Variants in ZIC5 observed in about 807,000 individuals in gnomAD.
ZIC5 encodes Zic family zinc finger 5.
Under a neutral mutation model 28.5 loss-of-function variants are expected in ZIC5, and 20 were observed. The ratio of observed to expected loss-of-function variants is 0.70; its 90% CI spans 0.49 to 1.02. The LOEUF (loss-of-function observed/expected upper bound fraction) is 1.02. ZIC5 is among the 50% of genes least tolerant of loss of function. The pLI is 0.00. For missense variants in ZIC5, 951 were observed against 899.7 expected (o/e 1.06, Z -0.73); for synonymous variants, 488 against 410.4 (o/e 1.19, Z -2.29).
intron 1 of ZIC5, among the ~76,000 whole-genome samples, chr13:99,969,099 G>A (rs1179653748): frequency 6.6e-6 from 1 of 152,232 alleles, no homozygotes; most frequent in Non-Finnish European, 1.5e-5. Flanking sequence ...GCTTCCGCCC[G>A]ACGCGCTGGT....
Position 99,970,431 on chromosome 13 carries a change from CGG to C in ZIC5, c.1171_1172del (p.Pro391AlafsTer109). ...ELAGLPPPPPPPPPPPPPPPA... is the reference protein window; with the variant it reads ...ELAGLPPPPPXPPPPPPPPPA... ...GGGGCGGTGGCGGCGGCGGCGGCGG[CGG>C]CGGCGGCGGCGGCGGCAGCCCGGCC... On this transcript the variant is annotated frameshift_variant, in exon 1 of 2. Transcript: ENST00000267294. LOFTEE classifies it high-confidence loss of function. 1 of 1,015,556 alleles carries C rather than the reference CGG, an allele frequency of 9.8e-7. No individual in the cohort carries two copies. Among genetic ancestry groups the C allele is most frequent in the Non-Finnish European group, 1.2e-6 (1 of 849,368 alleles). The allele number at this position is 1,015,556 out of a possible 1,614,324, so 62.9% of individuals were successfully genotyped here. A position where few individuals can be genotyped will look rare whatever the true frequency, so the allele number is the denominator to read the frequency against.
intron 1 of ZIC5, among the ~76,000 whole-genome samples, chr13:99,966,851 A>G (rs2053104116): frequency 6.6e-6 from 1 of 152,232 alleles, no homozygotes; most frequent in Non-Finnish European, 1.5e-5. Flanking sequence ...TTTTGGTGTT[A>G]AACAGCAAGA....
chr13:99,970,858 T>C lies in ZIC5; in HGVS notation c.746A>G (p.His249Arg). The C allele has an allele frequency of 8.0e-7, 1 of 1,255,956 alleles. No homozygotes were observed. Among genetic ancestry groups the C allele is most frequent in the South Asian group, 3.1e-5 (1 of 32,028 alleles). The allele number at this position is 1,255,956 out of a possible 1,614,324, so 77.8% of individuals were successfully genotyped here. A position where few individuals can be genotyped will look rare whatever the true frequency, so the allele number is the denominator to read the frequency against. ...CATCTGGCCGTTGAGCGGGTGCGGG[T>C]GGCCGCCTGGGGCCCCCGGCGTGTC... ...LHDTPGAPGG[H>R]PHPLNGQMRL... is the part of the protein sequence containing the mutation. The change falls in exon 1 of 2, where the codon CAC becomes CGC. Residue 249 changes from histidine (H) to arginine (R), a missense_variant. His to Arg is a conservative substitution (Grantham distance 29). Coordinates refer to ENST00000267294, the MANE Select transcript of ZIC5 (RefSeq NM_033132.5).
At position 99,965,527 on chromosome 13, in the gene ZIC5, G is replaced by A. The variant is rs2053093706; in HGVS notation, c.1770C>T (p.Ser590=). The change falls in exon 2 of 2, where the codon TCC becomes TCT. Residue 590 remains serine (S), a synonymous_variant. Transcript: ENST00000267294. ...DPARSHSSTL[S]PQVTNLNEWY... Reference sequence around the variant, plus strand: ...ACTCATTGAGGTTGGTCACCTGAGGGGACAGAGTGCTGGAGTGACTCCTGG... The same window carrying A: ...ACTCATTGAGGTTGGTCACCTGAGGAGACAGAGTGCTGGAGTGACTCCTGG... 1 of 1,613,736 alleles carries A rather than the reference G, an allele frequency of 6.2e-7. No individual in the cohort carries two copies. The highest frequency in any genetic ancestry group is 8.5e-7 in the Non-Finnish European group (1 of 1,179,840).
chr13:99,970,940 C>G lies in ZIC5; in HGVS notation c.664G>C (p.Gly222Arg). ...HSAGMFISAS[G>R]TYAGPDGSGG... ...CTGCCGTCCGGGCCCGCGTAGGTGCCGCTGGCGGAGATGAACATGCCGGCC... is the reference window on the plus strand; with the variant it reads ...CTGCCGTCCGGGCCCGCGTAGGTGCGGCTGGCGGAGATGAACATGCCGGCC... Residue 222 changes from glycine (G) to arginine (R), a missense_variant, in exon 1 of 2, where the codon GGC (glycine) becomes CGC (arginine). Physicochemically the swap from Gly to Arg is moderately radical, Grantham distance 125 (BLOSUM62 -2). Around this residue, in one of 3 missense-constraint regions of ZIC5, gnomAD observed 784 missense variants for 660.1 expected, o/e 1.19. Coordinates refer to ENST00000267294, the MANE Select transcript of ZIC5 (RefSeq NM_033132.5). 1 of 1,392,874 alleles carries G rather than the reference C, an allele frequency of 7.2e-7. No individual in the cohort carries two copies. The highest frequency in any genetic ancestry group is 1.7e-5 in the South Asian group (1 of 60,372). The allele number at this position is 1,392,874 out of a possible 1,614,324, so 86.3% of individuals were successfully genotyped here.
At chr13:99,968,362 G>A (rs1024748094) in intron 1 of ZIC5, among the ~76,000 whole-genome samples, 2 of 152,176 alleles carry the variant, frequency 1.3e-5, no homozygotes, top group African/African-American at 2.4e-5. Flanking sequence ...GGCAGGAAAT[G>A]CAACCGTCCG....
At chr13:99,968,342 G>A (rs1211785550) in intron 1 of ZIC5, among the ~76,000 whole-genome samples, 1 of 152,168 alleles carries the variant, frequency 6.6e-6, no homozygotes, top group Admixed American at 6.5e-5. Context: ...CCACGCGGCC[G>A]CCGGGAGGGG....
chr13:99,965,940 A>G, intron 1 of ZIC5, 121 bp from the exon 2 acceptor site: 1 of 1,020,770 alleles, frequency 9.8e-7, no homozygotes, highest in Non-Finnish European at 1.4e-6. Context: ...TCCCAGCCTA[A>G]TTCTTCTTCC....
At chr13:99,968,142 C>G (rs543356409) in intron 1 of ZIC5, among the ~76,000 whole-genome samples, 27 of 152,314 alleles carry the variant, frequency 1.8e-4, no homozygotes, top group Admixed American at 1.4e-3. Flanking sequence ...GTTCCGGGAT[C>G]CCGGATAACC....
Position 99,971,501 on chromosome 13 carries a change from G to C in ZIC5, c.103C>G (p.Leu35Val). The C allele has an allele frequency of 6.4e-7, 1 of 1,551,042 alleles. No homozygotes were observed. The highest frequency in any genetic ancestry group is 8.7e-7 in the Non-Finnish European group (1 of 1,147,056). Residue 35 changes from leucine (L) to valine (V), a missense_variant, in exon 1 of 2, where the codon CTG (leucine) becomes GTG (valine). Coordinates refer to ENST00000267294, the MANE Select transcript of ZIC5 (RefSeq NM_033132.5). ...TGGGAGTGGGCGGGCGGGCCGGCCA[G>C]CGCCGGGAAGCCTGTCATATTCTGA... ...PLQNMTGFPA[L>V]AGPPAHSQLR...
At chr13:99,966,151 A>G (rs2053098415) in intron 1 of ZIC5, among the ~76,000 whole-genome samples, 2 of 152,294 alleles carry the variant, frequency 1.3e-5, no homozygotes, top group South Asian at 4.1e-4. Context: ...CCCCCGACAG[A>G]CACACTCCCC....
chr13:99,964,194 A>C lies in ZIC5; in HGVS notation c.*1183T>G, dbSNP rs2053079174. 2 of 152,252 alleles carry C rather than the reference A, an allele frequency of 1.3e-5. No homozygotes were observed. Among genetic ancestry groups the C allele is most frequent in the Admixed American group, 1.3e-4 (2 of 15,292 alleles). The allele number at this position is 152,252 out of a possible 1,614,324, so 9.4% of individuals were successfully genotyped here. A position where few individuals can be genotyped will look rare whatever the true frequency, so the allele number is the denominator to read the frequency against. ...ATACACTTCACACACTGTCATTTTC[A>C]AATGGATTCCAGTTTGGTGTGCTCA... On this transcript the variant is annotated 3_prime_UTR_variant, in exon 2 of 2. Coordinates refer to ENST00000267294, the MANE Select transcript of ZIC5 (RefSeq NM_033132.5).
At position 99,971,277 on chromosome 13, in the gene ZIC5, C is replaced by G. The variant is rs2053156351; in HGVS notation, c.327G>C (p.Ala109=). The G allele has an allele frequency of 2.2e-6, 3 of 1,340,314 alleles. No homozygotes were observed. Among genetic ancestry groups the G allele is most frequent in the Non-Finnish European group, 2.8e-6 (3 of 1,054,934 alleles). The allele number at this position is 1,340,314 out of a possible 1,614,324, so 83.0% of individuals were successfully genotyped here. The stretch of plus-strand genomic sequence containing the variant: ...TGCCCCCGCCGCAGGGGTAGCTGCC[C>G]GCGCCGGGGTGCGCGACCAAGGCTG... The part of the protein sequence containing the change: ...RAAALVAHPG[A]GSYPCGGGSS... Residue 109 remains alanine (A), a synonymous_variant, in exon 1 of 2, where the codon GCG becomes GCC. Transcript: ENST00000267294.
In ZIC5 at chr13:99,970,583, C is replaced by CCGGCGGCGG. The variant is rs532287066; in HGVS notation, c.1012_1020dup (p.Pro338_Pro340dup). The CCGGCGGCGG allele has an allele frequency of 5.2e-4, 520 of 992,118 alleles. No individual in the cohort carries two copies. Among genetic ancestry groups the CCGGCGGCGG allele is most frequent in the Non-Finnish European group, 6.0e-4 (503 of 838,688 alleles). The allele number at this position is 992,118 out of a possible 1,614,324, so 61.5% of individuals were successfully genotyped here. On this transcript the variant is annotated inframe_insertion, in exon 1 of 2. Transcript: ENST00000267294. ...TGCTGGTGCGGGTGCTGCGCGGGCG[C>CCGGCGGCGG]CGGCGGCGGCGGCGGCGCCGGGGGC...
rs748697120 is a variant in ZIC5, at chr13:99,970,941, G to A, written c.663C>T (p.Ser221=). ...TGCCGTCCGGGCCCGCGTAGGTGCC[G>A]CTGGCGGAGATGAACATGCCGGCCG... ...PHSAGMFISA[S]GTYAGPDGSG... Residue 221 remains serine, a synonymous_variant, in exon 1 of 2, where the codon AGC becomes AGT. Coordinates refer to ENST00000267294, the MANE Select transcript of ZIC5 (RefSeq NM_033132.5). The A allele has an allele frequency of 5.7e-6, 8 of 1,392,930 alleles. No homozygotes were observed. The highest frequency in any genetic ancestry group is 7.5e-5 in the Admixed American group (2 of 26,590). 86.3% of individuals were successfully genotyped at this position (1,392,930 alleles called of 1,614,324 possible). A position where few individuals can be genotyped will look rare whatever the true frequency, so the allele number is the denominator to read the frequency against.
At chr13:99,971,788 A>T, upstream of ZIC5, 1 of 1,381,048 alleles carries the variant, frequency 7.2e-7, no homozygotes, top group Non-Finnish European at 9.9e-7. Flanking sequence ...TTTGAGCTGC[A>T]CAGTGGGACC....
upstream of ZIC5, chr13:99,971,782 A>G (rs2053163428): frequency 7.0e-7 from 1 of 1,427,764 alleles, no homozygotes; most frequent in Non-Finnish European, 9.6e-7. Context: ...ACCACATTTG[A>G]GCTGCACAGT....
At chr13:99,969,636 C>T (rs2053130648) in intron 1 of ZIC5, among the ~76,000 whole-genome samples, 1 of 152,134 alleles carries the variant, frequency 6.6e-6, no homozygotes, top group South Asian at 2.1e-4. Context: ...AATCCCACGC[C>T]CGGTCCTCGG....
Position 99,970,389 on chromosome 13 carries a change from C to A in ZIC5, c.1215G>T (p.Lys405Asn), listed in dbSNP as rs756126881. 8.2e-6 allele frequency: 11 copies of A among 1,342,640 alleles called. No individual in the cohort carries two copies. Among genetic ancestry groups the A allele is most frequent in the Non-Finnish European group, 1.1e-5 (11 of 1,038,050 alleles). The allele number at this position is 1,342,640 out of a possible 1,614,324, so 83.2% of individuals were successfully genotyped here. A position where few individuals can be genotyped will look rare whatever the true frequency, so the allele number is the denominator to read the frequency against. ...TGGTGCCGAAAGTTTTGGAGCAGGG[C>A]TTGGCGCCGCCGGCCGGGGGCGGTG... ...PPPPPPAGGA[K>N]PCSKTFGTMH... is the part of the protein sequence containing the mutation. The change falls in exon 1 of 2, where the codon AAG (lysine) becomes AAT (asparagine). Residue 405 changes from lysine to asparagine, a missense_variant. Physicochemically the swap from Lys to Asn is moderately conservative, Grantham distance 94 (BLOSUM62 0). Transcript: ENST00000267294.
Sources: gnomAD v4.1 joint callset for allele counts (sites outside exome capture counted in the v4.1 genomes callset) on GRCh38, gnomAD v4.1.1 for gene constraint, gnomAD v4.1.1 regional missense constraint, MANE v1.5 for transcripts, NCBI Gene and HGNC (gene_info 2026-07-23, HGNC 2026-07-21) for gene names.